SGCD: variants seen among roughly 807,000 people sequenced by gnomAD.
The protein encoded by SGCD is delta-sarcoglycan.
In SGCD, 18 loss-of-function variants were observed where a neutral mutation model predicts 36.6. The observed-to-expected ratio is 0.49, with a 90% confidence interval of 0.34 to 0.73. The LOEUF (loss-of-function observed/expected upper bound fraction) is 0.73. SGCD is among the 30% of genes least tolerant of loss of function. The pLI is 0.01. For missense variants in SGCD, 387 were observed against 346.7 expected (o/e 1.12, Z -0.92); for synonymous variants, 133 against 130.6 (o/e 1.02, Z -0.12).
chr5:155,886,836 G>C (rs1448964626), intron 1 of SGCD, among the ~76,000 whole-genome samples: 1 of 152,182 alleles, frequency 6.6e-6, no homozygotes, highest in African/African-American at 2.4e-5. Context: ...CACTCAGCAG[G>C]AAGGCTCACT....
chr5:156,405,285 G>A lies in SGCD; in HGVS notation c.192+60608G>A, dbSNP rs111916565. 1.8e-4 allele frequency among the ~76,000 whole-genome samples: 28 copies of A among 152,162 alleles called. 1 individual carries two copies. Among genetic ancestry groups the A allele is most frequent in the South Asian group, 2.1e-4 (1 of 4,828 alleles). Reference sequence around the variant, plus strand: ...GGCTTCTGAAGGACAGAAACCAGGCGATGACAAATAAATGCCACTAAACAT... The same window carrying A: ...GGCTTCTGAAGGACAGAAACCAGGCAATGACAAATAAATGCCACTAAACAT... On this transcript the variant is annotated intron_variant, in intron 3 of 8. Coordinates refer to ENST00000337851, the MANE Select transcript of SGCD (RefSeq NM_000337.6).
chr5:156,037,323 G>C (rs1759523903), intron 1 of SGCD, among the ~76,000 whole-genome samples: 2 of 152,182 alleles, frequency 1.3e-5, no homozygotes, highest in Non-Finnish European at 2.9e-5. Context: ...AGGGAACACT[G>C]TGTGTTCAAG....
chr5:155,822,221 T>C, the SGCD span, among the ~76,000 whole-genome samples: 1 of 152,192 alleles, frequency 6.6e-6, no homozygotes, highest in Non-Finnish European at 1.5e-5. Context: ...ATTATCAAAA[T>C]AATTAGGTGC....
chr5:156,373,325 T>C (rs1770489025), intron 3 of SGCD, among the ~76,000 whole-genome samples: 3 of 152,256 alleles, frequency 2.0e-5, no homozygotes, highest in Admixed American at 2.0e-4. Context: ...TTTTTGTATA[T>C]GTCTTCAGTC....
chr5:156,279,838 T>C (rs1291328200), intron 3 of SGCD, among the ~76,000 whole-genome samples: 1 of 152,222 alleles, frequency 6.6e-6, no homozygotes, highest in South Asian at 2.1e-4. Flanking sequence ...TACAGTTTTG[T>C]ACAAAATTCA....
chr5:156,567,373 GATAA>G (rs199772807), intron 4 of SGCD, among the ~76,000 whole-genome samples: 1,323 of 129,034 alleles, frequency 0.01, 20 homozygotes, highest in Admixed American at 0.022. Flanking sequence ...GGGATGGATA[GATAA>G]ATAGATAGAT....
Position 156,537,684 on chromosome 5 carries a change from A to T in SGCD, c.294+28982A>T, listed in dbSNP as rs141700975. 3.3e-5 allele frequency among the ~76,000 whole-genome samples: 5 copies of T among 151,952 alleles called. No individual in the cohort carries two copies. In the East Asian group the frequency reaches 9.7e-4, roughly 29 times the overall value. ...ATGCCCAGTTGAAACCACATTTTTA[A>T]CATCCTCCTAAATGTGCCCTGTGAT... On this transcript the variant is annotated intron_variant, in intron 4 of 8. Coordinates refer to ENST00000337851, the MANE Select transcript of SGCD (RefSeq NM_000337.6).
chr5:155,995,255 A>G (rs183278323), intron 1 of SGCD, among the ~76,000 whole-genome samples: 15 of 152,312 alleles, frequency 9.8e-5, no homozygotes, highest in African/African-American at 2.9e-4. Flanking sequence ...CAGCTGCCAT[A>G]TAAGAGAGAA....
chr5:156,566,819 A>T lies in SGCD; in HGVS notation c.295-22412A>T, dbSNP rs190919095. On this transcript the variant is annotated intron_variant, in intron 4 of 8. Coordinates refer to ENST00000337851, the MANE Select transcript of SGCD (RefSeq NM_000337.6). ...AATGTCATCATAGACCTAAAATGAG[A>T]CATTATCTTTAATATAATCAAAAAT... is the stretch of plus-strand genomic sequence containing the variant. Among the ~76,000 whole-genome samples the T allele has an allele frequency of 3.2e-3, 491 of 152,318 alleles. 3 individuals carry two copies. The highest frequency in any genetic ancestry group is 0.011 in the African/African-American group (462 of 41,574).
At chr5:156,075,899 C>G (rs554452816) in intron 1 of SGCD, among the ~76,000 whole-genome samples, 1 of 152,278 alleles carries the variant, frequency 6.6e-6, no homozygotes, top group South Asian at 2.1e-4. Flanking sequence ...TGATGAGAAT[C>G]TGGGTAGCTA....
chr5:156,083,484 AG>A (rs1457185602), intron 1 of SGCD, among the ~76,000 whole-genome samples: 1 of 151,388 alleles, frequency 6.6e-6, no homozygotes, highest in East Asian at 1.9e-4. Context: ...TAGTAGAGGC[AG>A]GGTTTCTCCG....
rs544393055 is a variant in SGCD, at chr5:156,081,045, A to G, written c.-281-36833A>G. Among the ~76,000 whole-genome samples the G allele has an allele frequency of 3.9e-5, 6 of 152,294 alleles. No individual in the cohort carries two copies. In the South Asian group the frequency reaches 1.2e-3, roughly 32 times the overall value. On this transcript the variant is annotated intron_variant, in intron 1 of 9. Coordinates refer to the SGCD transcript ENST00000517913. ...TAAAGAAAATAGGTTTCATTGGCTCATGGTTCTATAGGCTGTACAGGAGGC... is the reference window on the plus strand; with the variant it reads ...TAAAGAAAATAGGTTTCATTGGCTCGTGGTTCTATAGGCTGTACAGGAGGC...
intron 1 of SGCD, among the ~76,000 whole-genome samples, chr5:155,953,421 T>C (rs953960567): frequency 1.3e-5 from 2 of 152,146 alleles, no homozygotes; most frequent in Non-Finnish European, 2.9e-5. Context: ...TGTTTCTGCT[T>C]TATTATGGCA....
intron 3 of SGCD, among the ~76,000 whole-genome samples, chr5:156,436,205 T>C (rs1036171747): frequency 4.6e-5 from 7 of 152,334 alleles, no homozygotes; most frequent in African/African-American, 1.4e-4. Flanking sequence ...GTGATCCACA[T>C]TTAATCGGAG....
At chr5:155,980,402 G>A (rs1019688535) in intron 1 of SGCD, among the ~76,000 whole-genome samples, 2 of 151,460 alleles carry the variant, frequency 1.3e-5, no homozygotes, top group African/African-American at 4.9e-5. Context: ...TGGCTAACAC[G>A]GTGAAACCCC....
the SGCD span, among the ~76,000 whole-genome samples, chr5:155,857,514 G>A: frequency 1.3e-5 from 2 of 152,156 alleles, no homozygotes; most frequent in South Asian, 4.1e-4. Context: ...CAATTGTGCT[G>A]AATGAAAGGA....
chr5:156,262,054 C>T (rs1046152995), intron 3 of SGCD, among the ~76,000 whole-genome samples: 3 of 151,940 alleles, frequency 2.0e-5, no homozygotes, highest in East Asian at 1.9e-4. Flanking sequence ...AAGTTTAATT[C>T]GTTACTGAAG....
At chr5:156,257,092 A>T (rs1040245220) in intron 3 of SGCD, among the ~76,000 whole-genome samples, 2 of 151,958 alleles carry the variant, frequency 1.3e-5, no homozygotes, top group Non-Finnish European at 2.9e-5. Context: ...AGGTGGGAGG[A>T]TTGCTTGAGC....
intron 1 of SGCD, among the ~76,000 whole-genome samples, chr5:155,984,392 G>A (rs1006250525): frequency 5.9e-5 from 9 of 152,112 alleles, no homozygotes; most frequent in South Asian, 2.1e-4. Context: ...ACTTTGTTTC[G>A]TAAGCCTTGG....
Sources: allele counts gnomAD v4.1 joint callset (sites outside exome capture counted in the v4.1 genomes callset), GRCh38; gene constraint gnomAD v4.1.1; transcripts MANE v1.5; gene names NCBI Gene and HGNC (gene_info 2026-07-23, HGNC 2026-07-21).